Variants in ARSB observed in about 807,000 individuals in gnomAD.
ARSB encodes arylsulfatase B.
Under a neutral mutation model 50.9 loss-of-function variants are expected in ARSB, and 41 were observed. The ratio of observed to expected loss-of-function variants is 0.81; its 90% confidence interval spans 0.63 to 1.04. The LOEUF (loss-of-function observed/expected upper bound fraction) is 1.04. Among genes scored for constraint, ARSB ranks in the 50% least tolerant of loss-of-function variants. The pLI is 0.00. For synonymous variants in ARSB, 269 were observed against 284.8 expected (o/e 0.94, Z 0.56); for missense variants, 672 against 693.3 (o/e 0.97, Z 0.35).
At chr5:78,971,516 G>C (rs1752453216) in intron 1 of ARSB, among the ~76,000 whole-genome samples, 1 of 152,196 alleles carries the variant, frequency 6.6e-6, no homozygotes, top group South Asian at 2.1e-4. Context: ...ATTTTTATAA[G>C]TGTTTGTGAG....
chr5:78,791,753 A>G (rs2112632385), intron 6 of ARSB, among the ~76,000 whole-genome samples: 1 of 152,314 alleles, frequency 6.6e-6, no homozygotes, highest in South Asian at 2.1e-4. Flanking sequence ...TGGACCTAAA[A>G]ATAGTTTCTT....
At chr5:78,904,685 C>CTTT (rs55920994) in intron 4 of ARSB, among the ~76,000 whole-genome samples, 9 of 98,904 alleles carry the variant, frequency 9.1e-5, no homozygotes, top group African/African-American at 1.2e-4. Context: ...TTCTTTCTTT[C>CTTT]TTTTTTTTTT....
intron 4 of ARSB, among the ~76,000 whole-genome samples, chr5:78,914,120 A>C (rs927177839): frequency 5.3e-5 from 8 of 151,982 alleles, no homozygotes; most frequent in African/African-American, 1.9e-4. Flanking sequence ...GTGCCACCAC[A>C]CCCAGCTAAT....
intron 5 of ARSB, among the ~76,000 whole-genome samples, chr5:78,850,319 T>C (rs1319904987): frequency 6.6e-6 from 1 of 152,260 alleles, no homozygotes; most frequent in Non-Finnish European, 1.5e-5. Context: ...GAGATAATCA[T>C]GTGGTTTTTG....
At chr5:78,974,652 T>C (rs1752590052) in intron 1 of ARSB, among the ~76,000 whole-genome samples, 1 of 152,238 alleles carries the variant, frequency 6.6e-6, no homozygotes, top group Admixed American at 6.5e-5. Context: ...CTGGTCATAT[T>C]CCACTTAGCT....
intron 1 of ARSB, among the ~76,000 whole-genome samples, chr5:78,974,722 CT>C (rs1273405537): frequency 6.6e-6 from 1 of 152,160 alleles, no homozygotes; most frequent in East Asian, 1.9e-4. Flanking sequence ...GATATAAAAT[CT>C]GGAATTGTTT....
In ARSB at chr5:78,873,775, G is replaced by A. The variant is rs560233588; in HGVS notation, c.1142+11809C>T. 1.4e-4 allele frequency among the ~76,000 whole-genome samples: 22 copies of A among 152,156 alleles called. No individual in the cohort carries two copies. In the East Asian group the frequency reaches 2.9e-3, roughly 20 times the overall value. On this transcript the variant is annotated intron_variant, in intron 5 of 7. Transcript: ENST00000264914. ...CTCCCAAAGTGCTGGGATTACAGGC[G>A]TGAGCCACCGCACCCGGCCTAAAAC...
intron 4 of ARSB, among the ~76,000 whole-genome samples, chr5:78,896,378 G>A (rs1430028399): frequency 1.3e-5 from 2 of 152,168 alleles, no homozygotes; most frequent in Admixed American, 6.5e-5. Context: ...GCCAGGATGA[G>A]ATCATGAATT....
At chr5:78,853,718 T>G (rs1581045327) in intron 5 of ARSB, among the ~76,000 whole-genome samples, 1 of 152,348 alleles carries the variant, frequency 6.6e-6, no homozygotes, top group South Asian at 2.1e-4. Context: ...CCACCAAGTT[T>G]GAGCTTCCTG....
rs1280790439 is a variant in ARSB at position 78,964,415 on chromosome 5, C to T, written c.690+1G>A. The T allele has an allele frequency of 6.2e-7, 1 of 1,613,704 alleles. No homozygotes were observed. Among genetic ancestry groups the T allele is most frequent in the Non-Finnish European group, 8.5e-7 (1 of 1,179,694 alleles). On this transcript the variant is annotated splice_donor_variant, in intron 3 of 7. Transcript: ENST00000264914. LOFTEE classifies it high-confidence loss of function. ...TATCAGTAAATAGAAGCAAAACTTA[C>T]CTTCTCTGGTGGATGGTTAGTTATG... is the stretch of plus-strand genomic sequence containing the variant.
At chr5:78,964,678 A>T in intron 2 of ARSB, 72 bp from the exon 3 acceptor site, 2 of 1,413,810 alleles carry the variant, frequency 1.4e-6, no homozygotes, top group Non-Finnish European at 2.0e-6. Context: ...TTCAGCATTT[A>T]ATTGCCTAAT....
chr5:78,901,196 A>T (rs890264306), intron 4 of ARSB, among the ~76,000 whole-genome samples: 3 of 152,102 alleles, frequency 2.0e-5, no homozygotes, highest in Admixed American at 6.6e-5. Context: ...CCTCATCTTC[A>T]GGTCAGTTTA....
chr5:78,798,930 A>G (rs1015176306), intron 6 of ARSB, among the ~76,000 whole-genome samples: 4 of 152,228 alleles, frequency 2.6e-5, no homozygotes, highest in Non-Finnish European at 4.4e-5. Flanking sequence ...CACTGACATG[A>G]GGGCCACTAG....
intron 1 of ARSB, among the ~76,000 whole-genome samples, chr5:78,972,664 T>C (rs1458035001): frequency 6.6e-6 from 1 of 152,032 alleles, no homozygotes; most frequent in African/African-American, 2.4e-5. Context: ...GCAGGATAAG[T>C]AAAGATAATA....
chr5:78,928,305 CTT>C (rs34737292), intron 4 of ARSB, among the ~76,000 whole-genome samples: 17,853 of 71,694 alleles, frequency 0.25, 3,222 homozygotes, highest in Non-Finnish European at 0.27. Flanking sequence ...TTTGCTTTTG[CTT>C]TTTTTTTTTT....
At chr5:78,968,246 A>AG in intron 2 of ARSB, among the ~76,000 whole-genome samples, 1 of 151,364 alleles carries the variant, frequency 6.6e-6, no homozygotes, top group African/African-American at 2.4e-5. Flanking sequence ...AAAAGGAAAA[A>AG]TTGTGAATAC....
chr5:78,940,385 C>T (rs1176426147), intron 4 of ARSB, among the ~76,000 whole-genome samples: 2 of 151,896 alleles, frequency 1.3e-5, no homozygotes, highest in South Asian at 2.1e-4. Flanking sequence ...GTATTGCCTA[C>T]GTTTTTTTCT....
intron 6 of ARSB, among the ~76,000 whole-genome samples, chr5:78,801,282 T>C (rs918102389): frequency 2.0e-5 from 3 of 152,146 alleles, no homozygotes; most frequent in African/African-American, 7.2e-5. Flanking sequence ...ATAGTCTACA[T>C]TGTAAATACG....
chr5:78,847,433 G>A (rs1054516122), intron 5 of ARSB, among the ~76,000 whole-genome samples: 4 of 152,084 alleles, frequency 2.6e-5, no homozygotes, highest in Non-Finnish European at 4.4e-5. Context: ...GGCTGTGAAC[G>A]ATCTTTTTAA....
Sources: gnomAD v4.1 joint callset for allele counts (sites outside exome capture counted in the v4.1 genomes callset) on GRCh38, gnomAD v4.1.1 for gene constraint, MANE v1.5 for transcripts, NCBI Gene and HGNC (gene_info 2026-07-23, HGNC 2026-07-21) for gene names.